Variants in OCM observed in about 807,000 individuals in gnomAD.
OCM encodes the protein oncomodulin-1.
A neutral mutation model predicts 14.1 loss-of-function variants in OCM; 18 were observed. The ratio of observed to expected loss-of-function variants is 1.28; its 90% CI spans 0.88 to 1.89. OCM has a LOEUF of 1.89. Among genes scored for constraint, OCM ranks in the 40% most tolerant of loss-of-function variants. OCM has a pLI of 0.00. For missense variants in OCM, 140 were observed against 137.6 expected, an observed-to-expected ratio of 1.02 and a Z score of -0.09; for synonymous variants, 48 against 51.0, an observed-to-expected ratio of 0.94 and a Z score of 0.25.
intron 2 of OCM, 66 bp from the exon 3 acceptor site, chr7:5,883,824 C>A (rs1781275292): frequency 6.3e-7 from 1 of 1,595,672 alleles, no homozygotes; most frequent in Non-Finnish European, 8.6e-7. Flanking sequence ...AGAGGAAAAA[C>A]AAAAGTGTAA....
the OCM span, among the ~76,000 whole-genome samples, chr7:5,865,529 T>C: frequency 6.6e-6 from 1 of 152,310 alleles, no homozygotes; most frequent in Non-Finnish European, 1.5e-5. Context: ...TCATTTATGG[T>C]GGCCATCCCA....
At chr7:5,875,827 T>G (rs148198856), upstream of OCM, among the ~76,000 whole-genome samples, 8 of 152,086 alleles carry the variant, frequency 5.3e-5, no homozygotes, top group South Asian at 8.3e-4. Context: ...AAGACTTATT[T>G]TCAGAAACCT....
At chr7:5,870,234 C>T in the OCM span, among the ~76,000 whole-genome samples, 2 of 152,228 alleles carry the variant, frequency 1.3e-5, no homozygotes, top group East Asian at 3.9e-4. Flanking sequence ...CCTCAGGCTC[C>T]TGAATAGCTG....
At chr7:5,883,670 G>A (rs1320311513) in intron 2 of OCM, among the ~76,000 whole-genome samples, 2 of 137,770 alleles carry the variant, frequency 1.5e-5, no homozygotes, top group African/African-American at 5.6e-5. Context: ...CTGGGTGACA[G>A]AGCAAGACCC....
chr7:5,882,397 T>C (rs1781235924), intron 1 of OCM, 96 bp from the exon 2 acceptor site: 2 of 1,409,478 alleles, frequency 1.4e-6, no homozygotes, highest in Non-Finnish European at 2.0e-6. Context: ...AGGGATATTG[T>C]TGAAGTGTTT....
chr7:5,867,821 G>A, the OCM span, among the ~76,000 whole-genome samples: 1 of 152,002 alleles, frequency 6.6e-6, no homozygotes, highest in African/African-American at 2.4e-5. Context: ...GAGTGCAGTG[G>A]CACAATCTTG....
the OCM span, among the ~76,000 whole-genome samples, chr7:5,872,960 T>C: frequency 6.6e-6 from 1 of 152,094 alleles, no homozygotes; most frequent in African/African-American, 2.4e-5. Flanking sequence ...GCCAGCACTT[T>C]GGGAGGCCAA....
chr7:5,883,752 A>C, intron 2 of OCM, 138 bp from the exon 3 acceptor site: 1 of 855,604 alleles, frequency 1.2e-6, no homozygotes, highest in Middle Eastern at 2.3e-4. Flanking sequence ...CAGCTTAAGG[A>C]AACCTTTGCT....
the OCM span, among the ~76,000 whole-genome samples, chr7:5,864,723 G>C: frequency 1.3e-5 from 2 of 152,106 alleles, no homozygotes; most frequent in Non-Finnish European, 2.9e-5. Context: ...GGGAGGCCAA[G>C]CCAGGCGGAT....
the OCM span, among the ~76,000 whole-genome samples, chr7:5,861,172 A>C: frequency 6.6e-6 from 1 of 152,156 alleles, no homozygotes; most frequent in African/African-American, 2.4e-5. Context: ...CTGTAATCCC[A>C]GCACTTTGAG....
chr7:5,880,533 C>T (rs1159854405), upstream of OCM, among the ~76,000 whole-genome samples: 1 of 152,042 alleles, frequency 6.6e-6, no homozygotes, highest in Non-Finnish European at 1.5e-5. Flanking sequence ...CCAAGGCAGG[C>T]AGATCACCTG....
chr7:5,874,938 C>A (rs1177947434), upstream of OCM, among the ~76,000 whole-genome samples: 4 of 152,146 alleles, frequency 2.6e-5, no homozygotes, highest in East Asian at 3.9e-4. Flanking sequence ...CTCCACCCAG[C>A]CCTGCTAACC....
At chr7:5,867,907 T>A in the OCM span, among the ~76,000 whole-genome samples, 2 of 151,936 alleles carry the variant, frequency 1.3e-5, no homozygotes. Context: ...GGCTACTTTT[T>A]AAAATTTTTT....
At chr7:5,882,152 G>T (rs1415812670) in intron 1 of OCM, among the ~76,000 whole-genome samples, 1 of 144,336 alleles carries the variant, frequency 6.9e-6, no homozygotes, top group Non-Finnish European at 1.5e-5. Context: ...TTGAAATCCA[G>T]TGATTGCATT....
At chr7:5,883,785 T>G (rs1781274270) in intron 2 of OCM, 105 bp from the exon 3 acceptor site, 3 of 1,365,338 alleles carry the variant, frequency 2.2e-6, no homozygotes, top group Admixed American at 2.0e-5. Context: ...GGTTAATTAT[T>G]GCCGGTGCTG....
the OCM span, among the ~76,000 whole-genome samples, chr7:5,865,664 A>G: frequency 6.6e-6 from 1 of 152,224 alleles, no homozygotes; most frequent in South Asian, 2.1e-4. Context: ...CTAATTAATG[A>G]ACATGAATCA....
At chr7:5,868,805 A>G in the OCM span, among the ~76,000 whole-genome samples, 3,733 of 152,070 alleles carry the variant, frequency 0.025, 90 homozygotes, top group African/African-American at 0.059. Flanking sequence ...GCTGATGCCT[A>G]TAATCCCAGC....
the OCM span, among the ~76,000 whole-genome samples, chr7:5,872,889 A>G: frequency 6.6e-6 from 1 of 152,004 alleles, no homozygotes; most frequent in Non-Finnish European, 1.5e-5. Flanking sequence ...GAAAATAATA[A>G]TAATTAAAAT....
the OCM span, among the ~76,000 whole-genome samples, chr7:5,862,227 C>T: frequency 2.0e-5 from 3 of 152,112 alleles, no homozygotes; most frequent in Admixed American, 1.3e-4. Flanking sequence ...ACTCACTATG[C>T]CAAAGAGAAA....
Sources: allele counts gnomAD v4.1 joint callset (sites outside exome capture counted in the v4.1 genomes callset), GRCh38; gene constraint gnomAD v4.1.1; transcripts MANE v1.5; gene names NCBI Gene and HGNC (gene_info 2026-07-23, HGNC 2026-07-21).